Variants in SLC22A11 observed in about 807,000 individuals in gnomAD.
SLC22A11 encodes the protein solute carrier family 22 member 11, also known as organic anion transporter 4.
A neutral mutation model predicts 49.4 loss-of-function variants in SLC22A11; 42 were observed. The ratio of observed to expected loss-of-function variants is 0.85; its 90% confidence interval spans 0.66 to 1.10. The LOEUF (loss-of-function observed/expected upper bound fraction) is 1.10, where lower values mean the gene tolerates loss of function less well. Among genes scored for constraint, SLC22A11 ranks in the 50% least tolerant of loss-of-function variants. The pLI is 0.00. For missense variants in SLC22A11, 685 were observed against 731.6 expected (o/e 0.94, Z 0.74); for synonymous variants, 304 against 315.8 (o/e 0.96, Z 0.40).
In SLC22A11 at chr11:64,556,145, G is replaced by A; in HGVS notation, c.146G>A (p.Cys49Tyr). 6.2e-7 allele frequency: 1 copy of A among 1,614,200 alleles called. No individual in the cohort carries two copies. Among genetic ancestry groups the A allele is most frequent in the Non-Finnish European group, 8.5e-7 (1 of 1,180,044 alleles). The change falls in exon 1 of 10, where the codon TGC (cysteine) becomes TAC (tyrosine). Residue 49 changes from cysteine (C) to tyrosine (Y), a missense_variant. Cys to Tyr is a radical substitution (Grantham distance 194). Transcript: ENST00000301891. Reference protein sequence around the residue: ...NFSAAIPGHRCWTHMLDNGSA... With the variant: ...NFSAAIPGHRYWTHMLDNGSA... Reference sequence around the variant, plus strand: ...TCAGCCGCCATCCCAGGCCACCGATGCTGGACACACATGCTGGACAATGGC... The same window carrying A: ...TCAGCCGCCATCCCAGGCCACCGATACTGGACACACATGCTGGACAATGGC...
chr11:64,564,502 C>T lies in SLC22A11; in HGVS notation c.942+74C>T. ...GAGGGATCATCCGTGTGGCCTCCAACAGCACCACCCACTCCAGCACCACCT... is the reference window on the plus strand; with the variant it reads ...GAGGGATCATCCGTGTGGCCTCCAATAGCACCACCCACTCCAGCACCACCT... On this transcript the variant is annotated intron_variant, in intron 5 of 9. Coordinates refer to ENST00000301891, the MANE Select transcript of SLC22A11 (RefSeq NM_018484.4). This position sits in a 1 kb window ranked among gnomAD's most constrained non-coding sequence, Gnocchi z 4.2. 1.9e-6 allele frequency: 3 copies of T among 1,562,124 alleles called. No homozygotes were observed. Among genetic ancestry groups the T allele is most frequent in the Admixed American group, 1.7e-5 (1 of 57,610 alleles).
Position 64,564,012 on chromosome 11 carries a change from G to A in SLC22A11, c.822-296G>A, listed in dbSNP as rs1437539545. ...AGCAGCCAACTCTAGGGACACCCAT[G>A]CCCAGGCCACCTGTGCCCTGGCTGT... On this transcript the variant is annotated intron_variant, in intron 4 of 9. Coordinates refer to ENST00000301891, the MANE Select transcript of SLC22A11 (RefSeq NM_018484.4). The surrounding 1 kb of genome is among the most constrained non-coding windows in gnomAD (Gnocchi z 4.2). 2.0e-5 allele frequency among the ~76,000 whole-genome samples: 3 copies of A among 152,160 alleles called. No individual in the cohort carries two copies. In the East Asian group the frequency reaches 5.8e-4, roughly 29 times the overall value.
intron 1 of SLC22A11, among the ~76,000 whole-genome samples, chr11:64,557,040 G>A (rs2038472290): frequency 6.6e-6 from 1 of 152,124 alleles, no homozygotes; most frequent in South Asian, 2.1e-4. Context: ...ACATGAGCAG[G>A]GAGACTTCAA....
rs1450887211 is a variant in SLC22A11, at chr11:64,565,163, CA to C, written c.943-58del. ...GCCACTTGGACACTGTTCTCTGGCA[CA>C]GGGGGTGGGGCAGGGCCATTGCCCT... On this transcript the variant is annotated intron_variant, in intron 5 of 9. Transcript: ENST00000301891. This position sits in a 1 kb window ranked among gnomAD's most constrained non-coding sequence, Gnocchi z 4.1. 7.5e-7 allele frequency: 1 copy of C among 1,327,686 alleles called. No individual in the cohort carries two copies. The highest frequency in any genetic ancestry group is 2.5e-5 in the East Asian group (1 of 39,348). The allele number at this position is 1,327,686 out of a possible 1,614,324, so 82.2% of individuals were successfully genotyped here. A position where few individuals can be genotyped will look rare whatever the true frequency, so the allele number is the denominator to read the frequency against.
At chr11:64,566,898 A>G (rs2135425391) in intron 6 of SLC22A11, among the ~76,000 whole-genome samples, 1 of 152,316 alleles carries the variant, frequency 6.6e-6, no homozygotes, top group Admixed American at 6.5e-5. Context: ...CCAAACCATG[A>G]GAATTTAAAT....
Position 64,564,484 on chromosome 11 carries a change from C to T in SLC22A11, c.942+56C>T. 1.9e-6 allele frequency: 3 copies of T among 1,595,954 alleles called. No homozygotes were observed. Among genetic ancestry groups the T allele is most frequent in the South Asian group, 2.3e-5 (2 of 88,488 alleles). On this transcript the variant is annotated intron_variant, in intron 5 of 9. Coordinates refer to ENST00000301891, the MANE Select transcript of SLC22A11 (RefSeq NM_018484.4). This position sits in a 1 kb window ranked among gnomAD's most constrained non-coding sequence, Gnocchi z 4.2. ...TGGGACAGGACGTGCACTGAGGGATCATCCGTGTGGCCTCCAACAGCACCA... is the reference window on the plus strand; with the variant it reads ...TGGGACAGGACGTGCACTGAGGGATTATCCGTGTGGCCTCCAACAGCACCA...
Position 64,556,142 on chromosome 11 carries a change from G to GATGCTGGACACAC in SLC22A11, c.154_166dup (p.Asn56ThrfsTer58), listed in dbSNP as rs750183153. 1.2e-6 allele frequency: 2 copies of GATGCTGGACACAC among 1,614,130 alleles called. No individual in the cohort carries two copies. The highest frequency in any genetic ancestry group is 1.7e-6 in the Non-Finnish European group (2 of 1,180,026). On this transcript the variant is annotated frameshift_variant, in exon 1 of 10. Coordinates refer to ENST00000301891, the MANE Select transcript of SLC22A11 (RefSeq NM_018484.4). LOFTEE classifies it high-confidence loss of function. Reference sequence around the variant, plus strand: ...TTCTCAGCCGCCATCCCAGGCCACCGATGCTGGACACACATGCTGGACAAT... The same window carrying GATGCTGGACACAC: ...TTCTCAGCCGCCATCCCAGGCCACCGATGCTGGACACACATGCTGGACACACATGCTGGACAAT...
At position 64,567,605 on chromosome 11, in the gene SLC22A11, T is replaced by C. The variant is rs1420521469; in HGVS notation, c.1065T>C (p.Ser355=). The change falls in exon 7 of 10, where the codon TCT becomes TCC. Residue 355 remains serine, a synonymous_variant. Transcript: ENST00000301891. ...CTTCCAGCCTTGCCCGCAGTTTCTC[T>C]CTATTGATCTCCTACTATGGGCTGG... ...RSCAMLVVNF[S]LLISYYGLVF... The C allele has an allele frequency of 6.2e-7, 1 of 1,613,748 alleles. No individual in the cohort carries two copies. The highest frequency in any genetic ancestry group is 1.3e-5 in the African/African-American group (1 of 74,918).
chr11:64,564,324 G>A lies in SLC22A11; in HGVS notation c.838G>A (p.Ala280Thr), dbSNP rs761861029. 19 of 1,613,898 alleles carry A rather than the reference G, an allele frequency of 1.2e-5. No homozygotes were observed. Among genetic ancestry groups the A allele is most frequent in the Admixed American group, 3.3e-5 (2 of 60,006 alleles). The stretch of plus-strand genomic sequence containing the variant: ...TCCTTACAGGTGGCTGCCAGAATCC[G>A]CCCGGTGGCTGATTATTAAGGGCAA... ...SLISWWLPES[A>T]RWLIIKGKPD... The change falls in exon 5 of 10, where the codon GCC becomes ACC. Residue 280 changes from alanine (A) to threonine (T), a missense_variant. Transcript: ENST00000301891. The surrounding 1 kb of genome is among the most constrained non-coding windows in gnomAD (Gnocchi z 4.2).
chr11:64,561,897 A>T (rs2038549322), intron 2 of SLC22A11, 107 bp from the exon 3 acceptor site: 2 of 1,350,382 alleles, frequency 1.5e-6, no homozygotes, highest in Admixed American at 4.7e-5. Context: ...AGCTGGCTGC[A>T]AGAGATCCCC....
chr11:64,565,606 A>G lies in SLC22A11; in HGVS notation c.1058+269A>G. ...TCTAGGCTGGGGGTCCCAGGGTCCCAGGGAGGTCCCAAGACAGAGGCAGAG... is the reference window on the plus strand; with the variant it reads ...TCTAGGCTGGGGGTCCCAGGGTCCCGGGGAGGTCCCAAGACAGAGGCAGAG... On this transcript the variant is annotated intron_variant, in intron 6 of 9. Coordinates refer to ENST00000301891, the MANE Select transcript of SLC22A11 (RefSeq NM_018484.4). The surrounding 1 kb of genome is among the most constrained non-coding windows in gnomAD (Gnocchi z 4.1). The G allele has an allele frequency of 1.8e-6, 1 of 548,406 alleles. No individual in the cohort carries two copies. The highest frequency in any genetic ancestry group is 3.5e-6 in the Non-Finnish European group (1 of 286,962). 34.0% of individuals were successfully genotyped at this position (548,406 alleles called of 1,614,324 possible).
Position 64,571,601 on chromosome 11 carries a change from G to A in SLC22A11, c.*559G>A, listed in dbSNP as rs144263160. 76 of 153,456 alleles carry A rather than the reference G, an allele frequency of 5.0e-4. No homozygotes were observed. The Middle Eastern group carries it at 0.01, about 20-fold the overall frequency. 9.5% of individuals were successfully genotyped at this position (153,456 alleles called of 1,614,324 possible). On this transcript the variant is annotated 3_prime_UTR_variant, in exon 10 of 10. Coordinates refer to ENST00000301891, the MANE Select transcript of SLC22A11 (RefSeq NM_018484.4). ...CGTGTGGGGTCTGAAACTCAGCCCCGGCTACACTGGCCCCACCACCCACCC... is the reference window on the plus strand; with the variant it reads ...CGTGTGGGGTCTGAAACTCAGCCCCAGCTACACTGGCCCCACCACCCACCC...
chr11:64,567,573 G>A, intron 6 of SLC22A11, 26 bp from the exon 7 acceptor site: 2 of 1,609,756 alleles, frequency 1.2e-6, no homozygotes, highest in Non-Finnish European at 1.7e-6. Flanking sequence ...GCAGGGCAGG[G>A]ACCTGACTTC....
At chr11:64,568,245 AG>A (rs1345321802) in intron 7 of SLC22A11, among the ~76,000 whole-genome samples, 3 of 152,146 alleles carry the variant, frequency 2.0e-5, no homozygotes, top group Non-Finnish European at 2.9e-5. Flanking sequence ...TGCGGCCAAA[AG>A]GGGGCCCGGA....
chr11:64,569,873 A>G lies in SLC22A11; in HGVS notation c.1589+15A>G, dbSNP rs2038681566. ...CTGGAGAGCCAGTGAGTGACCTGTG[A>G]TCCCTGGGCATCGGGCTGGGCTTCC... On this transcript the variant is annotated intron_variant, in intron 9 of 9. Transcript: ENST00000301891. 6.2e-7 allele frequency: 1 copy of G among 1,610,168 alleles called. No individual in the cohort carries two copies. Among genetic ancestry groups the G allele is most frequent in the Non-Finnish European group, 8.5e-7 (1 of 1,179,698 alleles).
In SLC22A11 at chr11:64,556,004, C is replaced by A. The variant is rs141159367; in HGVS notation, c.5C>A (p.Ala2Glu). M[A>E]FSKLLEQAGG... The stretch of plus-strand genomic sequence containing the variant: ...TCAGCCGAGGCAGCTCTGTTCATGG[C>A]GTTCTCGAAGCTCTTGGAGCAAGCC... The change falls in exon 1 of 10, where the codon GCG becomes GAG. Residue 2 changes from alanine (A) to glutamate (E), a missense_variant. By Grantham distance (107) the Ala-to-Glu change is moderately radical. Transcript: ENST00000301891. 3 of 1,604,932 alleles carry A rather than the reference C, an allele frequency of 1.9e-6. No homozygotes were observed. The highest frequency in any genetic ancestry group is 2.7e-5 in the African/African-American group (2 of 74,838).
intron 1 of SLC22A11, among the ~76,000 whole-genome samples, chr11:64,558,911 G>A (rs2038501670): frequency 6.6e-6 from 1 of 152,184 alleles, no homozygotes; most frequent in East Asian, 1.9e-4. Context: ...GGACCCCGTG[G>A]AGTGGCCTCC....
In SLC22A11 at chr11:64,571,146, G is replaced by C. The variant is rs2038698464; in HGVS notation, c.*104G>C. 7.7e-7 allele frequency: 1 copy of C among 1,293,346 alleles called. No homozygotes were observed. The highest frequency in any genetic ancestry group is 1.5e-5 in the African/African-American group (1 of 68,310). The allele number at this position is 1,293,346 out of a possible 1,614,324, so 80.1% of individuals were successfully genotyped here. Reference sequence around the variant, plus strand: ...CGAGTTGGGCGACTTCAAGGGCCTGGCATGGCAGAGGCCAGGCAGCCGTGG... The same window carrying C: ...CGAGTTGGGCGACTTCAAGGGCCTGCCATGGCAGAGGCCAGGCAGCCGTGG... On this transcript the variant is annotated 3_prime_UTR_variant, in exon 10 of 10. Coordinates refer to ENST00000301891, the MANE Select transcript of SLC22A11 (RefSeq NM_018484.4).
intron 2 of SLC22A11, 57 bp downstream of exon 2, chr11:64,559,295 T>C (rs2038509294): frequency 5.3e-6 from 7 of 1,329,298 alleles, no homozygotes; most frequent in Non-Finnish European, 7.2e-6. Flanking sequence ...TTGAAGACTA[T>C]GGGGCAGAAG....
Sources: gnomAD v4.1 joint callset for allele counts (sites outside exome capture counted in the v4.1 genomes callset) on GRCh38, gnomAD v4.1.1 for gene constraint, Gnocchi (gnomAD v3.1) non-coding constraint, MANE v1.5 for transcripts, NCBI Gene and HGNC (gene_info 2026-07-23, HGNC 2026-07-21) for gene names.